EPRS1: variants seen among roughly 807,000 people sequenced by gnomAD.
The protein encoded by EPRS1 is glutamyl-prolyl-tRNA synthetase 1.
A neutral mutation model predicts 188.3 loss-of-function variants in EPRS1; 107 were observed. The ratio of observed to expected loss-of-function variants is 0.57; its 90% CI spans 0.49 to 0.67. EPRS1 has a LOEUF of 0.67. EPRS1 is among the 30% of genes least tolerant of loss of function. The probability of loss-of-function intolerance (pLI) is 0.00; values close to 1 mark genes in which losing one functional copy is unlikely to be tolerated. For missense variants in EPRS1, 1,577 were observed against 1,802.2 expected, an observed-to-expected ratio of 0.88 and a Z score of 2.26; for synonymous variants, 596 against 593.1, an observed-to-expected ratio of 1.00 and a Z score of -0.07.
rs143252385 is a variant in EPRS1, at chr1:220,018,462, G to A, written c.1481C>T (p.Ala494Val). 4.9e-4 allele frequency: 793 copies of A among 1,610,586 alleles called. 3 individuals carry two copies. In the African/African-American group the frequency reaches 9.7e-3, roughly 20 times the overall value. ...TAACATACATACCTTTTTGTTAAAC[G>A]CCCAGATTTTGTCCCACTCCATGTT... ...VVNMEWDKIWAFNKKVIDPVA... is the reference protein window; with the variant it reads ...VVNMEWDKIWVFNKKVIDPVA... The change falls in exon 12 of 32, where the codon GCG becomes GTG. Residue 494 changes from alanine to valine, a missense_variant. This residue lies in a region of EPRS1 where 1,278 missense variants were observed against 1,457.4 expected (regional missense o/e 0.88). Transcript: ENST00000366923.
At chr1:220,029,404 T>C (rs1186517051) in intron 6 of EPRS1, among the ~76,000 whole-genome samples, 2 of 152,148 alleles carry the variant, frequency 1.3e-5, no homozygotes, top group East Asian at 1.9e-4. Context: ...AGAGACAAAA[T>C]GTGAAATTCT....
chr1:219,983,461 A>T, intron 21 of EPRS1, 63 bp from the exon 22 acceptor site: 1 of 1,176,586 alleles, frequency 8.5e-7, no homozygotes, highest in Non-Finnish European at 1.2e-6. Flanking sequence ...ATAAGTGGCA[A>T]GAGTATGATA....
intron 30 of EPRS1, among the ~76,000 whole-genome samples, chr1:219,970,470 G>T (rs1660643588): frequency 6.6e-6 from 1 of 152,086 alleles, no homozygotes; most frequent in South Asian, 2.1e-4. Context: ...CCACTGTCTA[G>T]CCTTCTATTA....
chr1:220,028,746 G>T (rs1662031858), intron 6 of EPRS1, among the ~76,000 whole-genome samples: 1 of 152,076 alleles, frequency 6.6e-6, no homozygotes, highest in Non-Finnish European at 1.5e-5. Flanking sequence ...TACATAATAG[G>T]TGCTATGTAT....
intron 1 of EPRS1, among the ~76,000 whole-genome samples, chr1:220,041,805 A>G (rs1054561666): frequency 6.6e-6 from 1 of 151,778 alleles, no homozygotes; most frequent in South Asian, 2.1e-4. Flanking sequence ...GCACTATTGC[A>G]CTCCAGCCTG....
intron 28 of EPRS1, 22 bp from the exon 29 acceptor site, chr1:219,973,420 T>A: frequency 6.4e-7 from 1 of 1,558,444 alleles, no homozygotes; most frequent in Non-Finnish European, 8.8e-7. Context: ...AAAAGGCAGT[T>A]AAAATGATAT....
In EPRS1 at chr1:219,968,828, G is replaced by C. The variant is rs374476794; in HGVS notation, c.4517C>G (p.Thr1506Ser). 2 of 1,614,000 alleles carry C rather than the reference G, an allele frequency of 1.2e-6. No homozygotes were observed. The highest frequency in any genetic ancestry group is 2.7e-5 in the African/African-American group (2 of 74,908). Residue 1506 changes from threonine to serine, a missense_variant, in exon 32 of 32, where the codon ACC becomes AGC. Coordinates refer to ENST00000366923, the MANE Select transcript of EPRS1 (RefSeq NM_004446.3). ...CCCTCAGTAGCTGCGACCAAATAAG[G>C]TGTAGTACTTGGCAGGGTTCTTGCC... The part of the protein sequence containing the change: ...VCGKNPAKYY[T>S]LFGRSY
intron 5 of EPRS1, among the ~76,000 whole-genome samples, chr1:220,032,124 G>GC (rs1293256782): frequency 1.4e-4 from 22 of 152,012 alleles, no homozygotes; most frequent in Admixed American, 3.9e-4. Context: ...GCCCAGGCAG[G>GC]AGTGCAGTGG....
rs920699395 is a variant in EPRS1 at position 220,006,193 on chromosome 1, T to G, written c.1863A>C (p.Val621=). 1 of 1,606,498 alleles carries G rather than the reference T, an allele frequency of 6.2e-7. No individual in the cohort carries two copies. The change falls in exon 15 of 32, where the codon GTA becomes GTC. Residue 621 remains valine (V), a synonymous_variant. Coordinates refer to ENST00000366923, the MANE Select transcript of EPRS1 (RefSeq NM_004446.3). ...TCAAGTGCTCATAAGTGACACAGAT[T>G]ACTGGAATAGGAAGAGCATGTGTAG... The part of the protein sequence containing the change: ...AETTHALPIP[V]ICVTYEHLIT...
chr1:219,979,920 C>G (rs1045818518), intron 26 of EPRS1, among the ~76,000 whole-genome samples, 165 bp downstream of exon 26: 1 of 152,050 alleles, frequency 6.6e-6, no homozygotes, highest in African/African-American at 2.4e-5. Context: ...CTTAACGAAC[C>G]ATGGAGACAG....
At chr1:220,022,254 G>A in intron 9 of EPRS1, 93 bp downstream of exon 9, 3 of 1,134,016 alleles carry the variant, frequency 2.6e-6, no homozygotes, top group South Asian at 3.1e-5. Flanking sequence ...AAAAGGCCAG[G>A]TTTCTTGACT....
chr1:219,994,640 CTTT>C lies in EPRS1; in HGVS notation c.2541+2340_2541+2342del, dbSNP rs71169424. Among the ~76,000 whole-genome samples, 424 of 109,220 alleles carry C rather than the reference CTTT, an allele frequency of 3.9e-3. 1 individual carries two copies. The highest frequency in any genetic ancestry group is 0.012 in the African/African-American group (333 of 27,714). The allele number at this position is 109,220 out of a possible 152,430, so 71.7% of individuals were successfully genotyped here. A position where few individuals can be genotyped will look rare whatever the true frequency, so the allele number is the denominator to read the frequency against. On this transcript the variant is annotated intron_variant, in intron 18 of 31. Coordinates refer to ENST00000366923, the MANE Select transcript of EPRS1 (RefSeq NM_004446.3). ...CAGAAATATGCCGTGGTAACTTCTT[CTTT>C]TTTTTTTTTTTTTTTTTTTTTTTTT...
intron 15 of EPRS1, among the ~76,000 whole-genome samples, chr1:220,005,827 TTG>T (rs1491071862): frequency 5.1e-5 from 2 of 38,920 alleles, no homozygotes; most frequent in East Asian, 1.5e-3. Flanking sequence ...GTTTTTTTTT[TTG>T]TTTTTTTTTT....
intron 16 of EPRS1, among the ~76,000 whole-genome samples, chr1:220,004,077 G>GTGCACC: frequency 6.6e-6 from 1 of 152,194 alleles, no homozygotes; most frequent in Non-Finnish European, 1.5e-5. Context: ...ACCAAGGCTG[G>GTGCACC]AGTGTGGTGG....
chr1:220,018,341 A>T, intron 12 of EPRS1, 108 bp downstream of exon 12: 1 of 1,031,372 alleles, frequency 9.7e-7, no homozygotes, highest in Non-Finnish European at 1.5e-6. Flanking sequence ...GCAAAATGTT[A>T]ATATTCTTCA....
At chr1:220,008,651 T>G (rs1661543105) in intron 13 of EPRS1, among the ~76,000 whole-genome samples, 1 of 152,278 alleles carries the variant, frequency 6.6e-6, no homozygotes, top group East Asian at 1.9e-4. Flanking sequence ...CCTTAACAAT[T>G]AGTTCTTATT....
At chr1:220,027,185 G>C (rs563555566) in intron 6 of EPRS1, among the ~76,000 whole-genome samples, 1 of 152,012 alleles carries the variant, frequency 6.6e-6, no homozygotes, top group African/African-American at 2.4e-5. Flanking sequence ...ATCACTTTGG[G>C]AGGTCGAGGC....
intron 1 of EPRS1, among the ~76,000 whole-genome samples, chr1:220,044,044 G>A (rs958381347): frequency 6.6e-6 from 1 of 152,136 alleles, no homozygotes; most frequent in Non-Finnish European, 1.5e-5. Context: ...GATGTACACT[G>A]GAGTTATGCT....
At chr1:219,974,032 C>T (rs1421042469) in intron 28 of EPRS1, among the ~76,000 whole-genome samples, 2 of 152,128 alleles carry the variant, frequency 1.3e-5, no homozygotes, top group Non-Finnish European at 2.9e-5. Context: ...CAACCTCCGC[C>T]TCCCAAGATC....
Sources: allele counts gnomAD v4.1 joint callset (sites outside exome capture counted in the v4.1 genomes callset), GRCh38; gene constraint gnomAD v4.1.1; regional missense constraint gnomAD v4.1.1; transcripts MANE v1.5; gene names NCBI Gene and HGNC (gene_info 2026-07-23, HGNC 2026-07-21).